The following KCNRG variants were observed in gnomAD, a reference collection of about 807,000 sequenced individuals.
The protein encoded by KCNRG is potassium channel regulator, also known as potassium channel regulatory protein.
KCNRG carries 17 observed loss-of-function variants against 17.7 expected under a neutral mutation model. That is an observed-to-expected ratio of 0.96 (90% confidence interval 0.66 to 1.44). The LOEUF (loss-of-function observed/expected upper bound fraction) is 1.44, where lower values mean the gene tolerates loss of function less well. Ranked by LOEUF, KCNRG falls within the 40% of genes most tolerant of loss-of-function variation. KCNRG has a pLI of 0.00. For missense variants in KCNRG, 311 were observed against 321.1 expected (o/e 0.97, Z 0.24); for synonymous variants, 97 against 116.5 (o/e 0.83, Z 1.08).
chr13:50,020,218 GT>G lies in KCNRG; in HGVS notation c.586del (p.Ser196LeufsTer2). Reference sequence around the variant, plus strand: ...GCTTCTTTTTGTGTGTCCTAGGTATGTTTCTATAAAACCTGATAACCGAAAA... The same window carrying G: ...GCTTCTTTTTGTGTGTCCTAGGTATGTTCTATAAAACCTGATAACCGAAAA... ...TTDNQTGVRY[V>X]SIKPDNRKLA... is the part of the protein sequence containing the mutation. On this transcript the variant is annotated frameshift_variant, in exon 2 of 2. Transcript: ENST00000312942. LOFTEE classifies it high-confidence loss of function. The G allele has an allele frequency of 6.2e-7, 1 of 1,613,932 alleles. No homozygotes were observed. Among genetic ancestry groups the G allele is most frequent in the Non-Finnish European group, 8.5e-7 (1 of 1,179,892 alleles).
At chr13:50,018,208 T>C (rs548689274) in intron 1 of KCNRG, 3 of 167,148 alleles carry the variant, frequency 1.8e-5, no homozygotes, top group African/African-American at 7.2e-5. Context: ...AAATATTTTA[T>C]TTTTCAGTTT....
intron 1 of KCNRG, among the ~76,000 whole-genome samples, chr13:50,019,442 T>C (rs1447533542): frequency 2.0e-5 from 3 of 152,182 alleles, no homozygotes; most frequent in Admixed American, 6.5e-5. Context: ...AAAGGTAAAT[T>C]TCATAGGAGT....
chr13:50,016,509 C>T (rs1876601324), intron 1 of KCNRG: 1 of 170,814 alleles, frequency 5.9e-6, no homozygotes, highest in Non-Finnish European at 1.4e-5. Context: ...TATGATTCAA[C>T]TACTGTTTTT....
chr13:50,020,093 A>G (rs555360754), intron 1 of KCNRG, 121 bp from the exon 2 acceptor site: 1 of 929,590 alleles, frequency 1.1e-6, no homozygotes, highest in African/African-American at 1.7e-5. Flanking sequence ...TGAAATTTCA[A>G]AAAAAAAATC....
Position 50,015,520 on chromosome 13 carries a change from G to C in KCNRG, c.27G>C (p.Leu9Phe), listed in dbSNP as rs1876427728. Residue 9 changes from leucine to phenylalanine, a missense_variant, in exon 1 of 2, where the codon TTG becomes TTC. Leu to Phe is a conservative substitution (Grantham distance 22). Transcript: ENST00000312942. MSSQELVT[L>F]NVGGKIFTTR... is the part of the protein sequence containing the mutation. ...TGAGTAGTCAGGAACTGGTCACTTT[G>C]AATGTGGGAGGGAAGATATTCACGA... 1 of 1,613,414 alleles carries C rather than the reference G, an allele frequency of 6.2e-7. No individual in the cohort carries two copies.
chr13:50,016,803 A>C (rs1876647378), intron 1 of KCNRG: 1 of 166,880 alleles, frequency 6.0e-6, no homozygotes, highest in Admixed American at 6.5e-5. Context: ...AGCTGGCTTT[A>C]ATTTTTAGGA....
intron 1 of KCNRG, chr13:50,016,702 C>G (rs66756338): frequency 0.18 from 29,491 of 166,952 alleles, 2,920 homozygotes; most frequent in African/African-American, 0.26. Context: ...TTGGCTGGAT[C>G]CTAACGCTGA....
At chr13:50,019,714 A>G (rs1381821632) in intron 1 of KCNRG, among the ~76,000 whole-genome samples, 1 of 152,154 alleles carries the variant, frequency 6.6e-6, no homozygotes, top group Admixed American at 6.6e-5. Flanking sequence ...TTTCAGAATC[A>G]CAGCAAGGTC....
At chr13:50,017,884 G>A (rs1032204077) in intron 1 of KCNRG, 1 of 167,052 alleles carries the variant, frequency 6.0e-6, no homozygotes, top group Non-Finnish European at 1.5e-5. Flanking sequence ...GTGCCTAATT[G>A]TCTGGTGTAT....
At chr13:50,016,267 A>G (rs1280441218) in intron 1 of KCNRG, 196 bp downstream of exon 1, 4 of 543,860 alleles carry the variant, frequency 7.4e-6, no homozygotes, top group Non-Finnish European at 6.7e-6. Context: ...GAAAGGGGCT[A>G]TTATTAGGTG....
In KCNRG at chr13:50,015,932, C is replaced by T; in HGVS notation, c.439C>T (p.Pro147Ser). 6.2e-7 allele frequency: 1 copy of T among 1,614,088 alleles called. No individual in the cohort carries two copies. The highest frequency in any genetic ancestry group is 8.5e-7 in the Non-Finnish European group (1 of 1,179,988). Reference protein sequence around the residue: ...TGRITVFTEQPSAPTWNGNFF... With the variant: ...TGRITVFTEQSSAPTWNGNFF... The stretch of plus-strand genomic sequence containing the variant: ...GAGGATTACAGTGTTTACAGAACAA[C>T]CTTCAGCGCCGACCTGGAATGGTAA... The change falls in exon 1 of 2, where the codon CCT (proline) becomes TCT (serine). Residue 147 changes from proline to serine, a missense_variant. Pro to Ser is a moderately conservative substitution (Grantham distance 74). Coordinates refer to ENST00000312942, the MANE Select transcript of KCNRG (RefSeq NM_173605.2).
chr13:50,020,448 G>A lies in KCNRG; in HGVS notation c.813G>A (p.Lys271=). ...TIIIPEQSQI[K]K is the part of the protein sequence containing the mutation. Reference sequence around the variant, plus strand: ...TCATACCAGAGCAATCTCAGATAAAGAAATGAAGTTGTCTATCCTCTTTTA... The same window carrying A: ...TCATACCAGAGCAATCTCAGATAAAAAAATGAAGTTGTCTATCCTCTTTTA... The change falls in exon 2 of 2, where the codon AAG becomes AAA. Residue 271 remains lysine, a synonymous_variant. Coordinates refer to ENST00000312942, the MANE Select transcript of KCNRG (RefSeq NM_173605.2). 1 of 1,612,518 alleles carries A rather than the reference G, an allele frequency of 6.2e-7. No homozygotes were observed. Among genetic ancestry groups the A allele is most frequent in the Non-Finnish European group, 8.5e-7 (1 of 1,179,522 alleles).
Position 50,015,850 on chromosome 13 carries a change from T to G in KCNRG, c.357T>G (p.Thr119=), listed in dbSNP as rs1391012252. 1 of 1,614,108 alleles carries G rather than the reference T, an allele frequency of 6.2e-7. No individual in the cohort carries two copies. Among genetic ancestry groups the G allele is most frequent in the African/African-American group, 1.3e-5 (1 of 75,050 alleles). Reference sequence around the variant, plus strand: ...AGGTACATTTCCTAAGCCGGAACACTCAAGCTTTTTTCAGGGTGTTTGGCT... The same window carrying G: ...AGGTACATTTCCTAAGCCGGAACACGCAAGCTTTTTTCAGGGTGTTTGGCT... ...LVEVHFLSRN[T]QAFFRVFGSC... Residue 119 remains threonine, a synonymous_variant, in exon 1 of 2, where the codon ACT becomes ACG. Transcript: ENST00000312942.
intron 1 of KCNRG, chr13:50,018,863 C>T (rs746508938): frequency 4.4e-5 from 7 of 159,358 alleles, no homozygotes; most frequent in South Asian, 1.5e-4. Context: ...CCACAACCTC[C>T]GCCTCTGGGG....
At chr13:50,016,247 T>C (rs1485275756) in intron 1 of KCNRG, 176 bp downstream of exon 1, 7 of 584,670 alleles carry the variant, frequency 1.2e-5, no homozygotes, top group South Asian at 7.3e-5. Context: ...ACTGGGATAC[T>C]TTTTAGAGTG....
At chr13:50,016,172 A>T (rs1335875167) in intron 1 of KCNRG, 101 bp downstream of exon 1, 2 of 815,028 alleles carry the variant, frequency 2.5e-6, no homozygotes, top group Non-Finnish European at 3.9e-6. Flanking sequence ...AAAGATGATT[A>T]TTCAAAATAA....
At position 50,015,912 on chromosome 13, in the gene KCNRG, T is replaced by C. The variant is rs775679320; in HGVS notation, c.419T>C (p.Ile140Thr). 6.8e-6 allele frequency: 11 copies of C among 1,614,016 alleles called. No individual in the cohort carries two copies. The highest frequency in any genetic ancestry group is 9.3e-6 in the Non-Finnish European group (11 of 1,179,972). Residue 140 changes from isoleucine (I) to threonine (T), a missense_variant, in exon 1 of 2, where the codon ATT (isoleucine) becomes ACT (threonine). Coordinates refer to ENST00000312942, the MANE Select transcript of KCNRG (RefSeq NM_173605.2). ...ACAATTGAGATGCTAACAGGGAGGA[T>C]TACAGTGTTTACAGAACAACCTTCA... ...SKTIEMLTGR[I>T]TVFTEQPSAP...
intron 1 of KCNRG, 158 bp downstream of exon 1, chr13:50,016,229 T>C: frequency 1.7e-6 from 1 of 602,542 alleles, no homozygotes; most frequent in Non-Finnish European, 3.0e-6. Flanking sequence ...CAAATAATTA[T>C]TTTCCAAACT....
At position 50,016,125 on chromosome 13, in the gene KCNRG, T is replaced by C. The variant is rs542701796; in HGVS notation, c.578+54T>C. On this transcript the variant is annotated intron_variant, in intron 1 of 1. Coordinates refer to ENST00000312942, the MANE Select transcript of KCNRG (RefSeq NM_173605.2). Reference sequence around the variant, plus strand: ...GTATACCAGTTTGTGATGTTTTCTCTAAAAACTTGAAGTTCCTCAGGCCTG... The same window carrying C: ...GTATACCAGTTTGTGATGTTTTCTCCAAAAACTTGAAGTTCCTCAGGCCTG... 1.0e-4 allele frequency: 136 copies of C among 1,364,938 alleles called. No individual in the cohort carries two copies. In the African/African-American group the frequency reaches 1.9e-3, roughly 19 times the overall value. The allele number at this position is 1,364,938 out of a possible 1,614,324, so 84.6% of individuals were successfully genotyped here. A position where few individuals can be genotyped will look rare whatever the true frequency, so the allele number is the denominator to read the frequency against.
Sources: gnomAD v4.1 joint callset for allele counts (sites outside exome capture counted in the v4.1 genomes callset) on GRCh38, gnomAD v4.1.1 for gene constraint, MANE v1.5 for transcripts, NCBI Gene and HGNC (gene_info 2026-07-23, HGNC 2026-07-21) for gene names.